Variants in CHSY3 observed in about 807,000 individuals in gnomAD.
CHSY3 encodes N-acetylgalactosaminyl-proteoglycan 3-beta-glucuronosyltransferase 3.
A neutral mutation model predicts 67.2 loss-of-function variants in CHSY3; 35 were observed. The observed-to-expected ratio is 0.52, with a 90% CI of 0.40 to 0.69. The LOEUF (loss-of-function observed/expected upper bound fraction) is 0.69, where lower values mean the gene tolerates loss of function less well. CHSY3 is among the 30% of genes least tolerant of loss of function. CHSY3 has a pLI of 0.00. For missense variants in CHSY3, 1,069 were observed against 1,138.5 expected (o/e 0.94, Z 0.88); for synonymous variants, 474 against 434.7 (o/e 1.09, Z -1.12).
chr5:130,167,680 T>C (rs1240893360), intron 2 of CHSY3, among the ~76,000 whole-genome samples: 1 of 152,114 alleles, frequency 6.6e-6, no homozygotes, highest in African/African-American at 2.4e-5. Context: ...CTTAAAACTT[T>C]TAAGTATTAT....
At chr5:129,995,948 T>A (rs1397208943) in intron 2 of CHSY3, among the ~76,000 whole-genome samples, 1 of 152,002 alleles carries the variant, frequency 6.6e-6, no homozygotes, top group Non-Finnish European at 1.5e-5. Flanking sequence ...TCTCTTCCTC[T>A]CCCTCTCTCT....
At chr5:130,000,465 T>A (rs1380997840) in intron 2 of CHSY3, among the ~76,000 whole-genome samples, 1 of 152,210 alleles carries the variant, frequency 6.6e-6, no homozygotes, top group African/African-American at 2.4e-5. Flanking sequence ...AACATGGGTC[T>A]ATATTCATAC....
chr5:130,177,219 A>G (rs190594628), intron 2 of CHSY3, among the ~76,000 whole-genome samples: 10 of 150,838 alleles, frequency 6.6e-5, no homozygotes, highest in African/African-American at 9.7e-5. Flanking sequence ...GTGTATATAT[A>G]TGTGTGTGTG....
At chr5:130,002,107 T>G in intron 2 of CHSY3, 1 of 954,696 alleles carries the variant, frequency 1.0e-6, no homozygotes, top group Non-Finnish European at 1.2e-6. Flanking sequence ...CTTGGTGGCC[T>G]TCTTCTGTGT....
intron 2 of CHSY3, among the ~76,000 whole-genome samples, chr5:130,178,249 A>ATTTTTTT (rs1253548592): frequency 2.9e-5 from 2 of 68,534 alleles, no homozygotes; most frequent in African/African-American, 8.0e-5. Context: ...ATATATATAT[A>ATTTTTTT]TATATTTTTT....
intron 2 of CHSY3, among the ~76,000 whole-genome samples, chr5:130,105,215 T>C (rs1465956836): frequency 6.6e-6 from 1 of 151,700 alleles, no homozygotes; most frequent in Non-Finnish European, 1.5e-5. Flanking sequence ...GCTCCCTTTC[T>C]CTCTTCCCCT....
rs79342817 is a variant in CHSY3, at chr5:129,907,005, G to T, written c.803-1072G>T. Among the ~76,000 whole-genome samples, 1,474 of 152,276 alleles carry T rather than the reference G, an allele frequency of 9.7e-3. 23 individuals carry two copies. Among genetic ancestry groups the T allele is most frequent in the African/African-American group, 0.034 (1,397 of 41,546 alleles). On this transcript the variant is annotated intron_variant, in intron 1 of 2. Coordinates refer to ENST00000305031, the MANE Select transcript of CHSY3 (RefSeq NM_175856.5). ...ACTGATAATTGGATATAAAAATAAAGAATGGTCTCATTACATTTTTAACAG... is the reference window on the plus strand; with the variant it reads ...ACTGATAATTGGATATAAAAATAAATAATGGTCTCATTACATTTTTAACAG...
intron 2 of CHSY3, among the ~76,000 whole-genome samples, chr5:129,920,711 T>C (rs373727852): frequency 2.4e-4 from 36 of 152,284 alleles, no homozygotes; most frequent in African/African-American, 7.2e-4. Context: ...TTTTACAGTT[T>C]GAAGTGTATC....
At chr5:130,139,174 G>A (rs1768775157) in intron 2 of CHSY3, among the ~76,000 whole-genome samples, 1 of 152,162 alleles carries the variant, frequency 6.6e-6, no homozygotes, top group Non-Finnish European at 1.5e-5. Flanking sequence ...TGTTTCAGCT[G>A]CATCATAATT....
chr5:130,068,140 T>G (rs1384326248), intron 2 of CHSY3, among the ~76,000 whole-genome samples: 1 of 152,184 alleles, frequency 6.6e-6, no homozygotes. Flanking sequence ...AATTCTTTAT[T>G]GGTTTTCCAG....
At chr5:130,084,602 A>G (rs2530251) in intron 2 of CHSY3, among the ~76,000 whole-genome samples, 1 of 135,258 alleles carries the variant, frequency 7.4e-6, no homozygotes, top group African/African-American at 2.9e-5. Flanking sequence ...TTAATTAATT[A>G]ATTTATTTAT....
intron 2 of CHSY3, among the ~76,000 whole-genome samples, chr5:129,919,644 G>A (rs1322848226): frequency 6.6e-6 from 1 of 152,112 alleles, no homozygotes; most frequent in Non-Finnish European, 1.5e-5. Context: ...CAGTATGAGG[G>A]AAACGGCCCC....
At chr5:129,960,726 A>T (rs1394697137) in intron 2 of CHSY3, among the ~76,000 whole-genome samples, 1 of 152,012 alleles carries the variant, frequency 6.6e-6, no homozygotes, top group Non-Finnish European at 1.5e-5. Flanking sequence ...ATATTTTTTA[A>T]AAAAATAATG....
At chr5:129,929,805 T>C (rs1761238039) in intron 2 of CHSY3, among the ~76,000 whole-genome samples, 1 of 152,170 alleles carries the variant, frequency 6.6e-6, no homozygotes, top group Non-Finnish European at 1.5e-5. Context: ...TATGGATAAA[T>C]GGGGTTATTA....
At chr5:130,000,239 G>A (rs988232402) in intron 2 of CHSY3, among the ~76,000 whole-genome samples, 5 of 152,122 alleles carry the variant, frequency 3.3e-5, no homozygotes, top group African/African-American at 7.2e-5. Context: ...AAAAATCATC[G>A]TAGGATTTTA....
intron 2 of CHSY3, among the ~76,000 whole-genome samples, chr5:129,917,162 C>T (rs1363827612): frequency 6.6e-6 from 1 of 152,194 alleles, no homozygotes; most frequent in Non-Finnish European, 1.5e-5. Context: ...TTGCCATTCA[C>T]TAGCTGTGTG....
In CHSY3 at chr5:129,922,596, C is replaced by CT. The variant is rs1035988815; in HGVS notation, c.1086+14246dup. On this transcript the variant is annotated intron_variant, in intron 2 of 2. Coordinates refer to ENST00000305031, the MANE Select transcript of CHSY3 (RefSeq NM_175856.5). ...TTCCCTGATGATTAGTGATGTCTAA[C>CT]TTTTTTTTTTCATGTATCTGTTAGC... Among the ~76,000 whole-genome samples the CT allele has an allele frequency of 4.7e-5, 7 of 150,152 alleles. No homozygotes were observed. The East Asian group carries it at 9.7e-4, about 21-fold the overall frequency.
At chr5:130,061,949 T>G (rs1765727914) in intron 2 of CHSY3, among the ~76,000 whole-genome samples, 1 of 151,774 alleles carries the variant, frequency 6.6e-6, no homozygotes, top group African/African-American at 2.4e-5. Flanking sequence ...TAGACATTGT[T>G]GGTAAGAATG....
chr5:129,950,281 C>G (rs924220956), intron 2 of CHSY3, among the ~76,000 whole-genome samples: 1 of 151,990 alleles, frequency 6.6e-6, no homozygotes. Flanking sequence ...ATGTACCTCA[C>G]TACAGTAAAA....
Sources: allele counts gnomAD v4.1 joint callset (sites outside exome capture counted in the v4.1 genomes callset), GRCh38; gene constraint gnomAD v4.1.1; transcripts MANE v1.5; gene names NCBI Gene and HGNC (gene_info 2026-07-23, HGNC 2026-07-21).